The following MARVELD2 variants were observed in gnomAD, a reference collection of about 807,000 sequenced individuals.
The protein encoded by MARVELD2 is MARVEL domain containing 2, also known as MARVEL domain-containing protein 2.
Under a neutral mutation model 57.6 loss-of-function variants are expected in MARVELD2, and 49 were observed. The observed-to-expected ratio is 0.85, with a 90% CI of 0.68 to 1.08. The LOEUF is 1.08. Ranked by LOEUF, MARVELD2 falls within the 50% of genes least tolerant of loss-of-function variation. The probability of loss-of-function intolerance (pLI) is 0.00; values close to 1 mark genes in which losing one functional copy is unlikely to be tolerated. For synonymous variants in MARVELD2, 238 were observed against 258.8 expected (o/e 0.92, Z 0.77); for missense variants, 606 against 701.1 (o/e 0.86, Z 1.53).
In MARVELD2 at chr5:69,424,592, T is replaced by G. The variant is rs299099; in HGVS notation, c.1147-9T>G. 673,974 of 1,588,768 alleles carry G rather than the reference T, an allele frequency of 0.42. 150,646 individuals are homozygous for G. The highest frequency in any genetic ancestry group is 0.47 in the Non-Finnish European group (540,162 of 1,156,800). On this transcript the variant is annotated splice_polypyrimidine_tract_variant and intron_variant, in intron 2 of 6. Coordinates refer to ENST00000325631, the MANE Select transcript of MARVELD2 (RefSeq NM_001038603.3). ...CTTTGAAAAACTATTTGAACTCTTT[T>G]TGTTCCAGATAAATGAGCCATCATT...
In MARVELD2 at chr5:69,420,296, A is replaced by C. The variant is rs377008975; in HGVS notation, c.911A>C (p.Tyr304Ser). Residue 304 changes from tyrosine (Y) to serine (S), a missense_variant, in exon 2 of 7, where the codon TAT (tyrosine) becomes TCT (serine). Coordinates refer to ENST00000325631, the MANE Select transcript of MARVELD2 (RefSeq NM_001038603.3). ...FGINVALFILYMAAAIVYVND... is the reference protein window; with the variant it reads ...FGINVALFILSMAAAIVYVND... ...ATTAACGTTGCCTTGTTTATTTTGT[A>C]TATGGCCGCAGCCATAGTCTATGTG... is the stretch of plus-strand genomic sequence containing the variant. 2 of 1,613,976 alleles carry C rather than the reference A, an allele frequency of 1.2e-6. No individual in the cohort carries two copies. Among genetic ancestry groups the C allele is most frequent in the Non-Finnish European group, 1.7e-6 (2 of 1,180,006 alleles).
chr5:69,417,279 T>A (rs1766459570), intron 1 of MARVELD2, among the ~76,000 whole-genome samples: 1 of 152,172 alleles, frequency 6.6e-6, no homozygotes, highest in Admixed American at 6.5e-5. Flanking sequence ...CTTTACCCCC[T>A]TTCTCAACTT....
At chr5:69,433,720 A>C (rs1171065213) in intron 5 of MARVELD2, 2 of 154,076 alleles carry the variant, frequency 1.3e-5, no homozygotes, top group African/African-American at 4.8e-5. Flanking sequence ...CGGCCTCCCA[A>C]AGTGCTGGGA....
At chr5:69,435,322 C>T (rs1767099665) in intron 5 of MARVELD2, among the ~76,000 whole-genome samples, 1 of 151,986 alleles carries the variant, frequency 6.6e-6, no homozygotes. Context: ...CCCAGATGTA[C>T]TCTTTTTAAT....
intron 3 of MARVELD2, among the ~76,000 whole-genome samples, chr5:69,428,206 T>TA (rs1240487341): frequency 2.4e-5 from 3 of 125,596 alleles, no homozygotes; most frequent in African/African-American, 5.9e-5. Flanking sequence ...ACCATAAAAA[T>TA]AAAAAAAAAT....
In MARVELD2 at chr5:69,420,507, T is replaced by G; in HGVS notation, c.1122T>G (p.His374Gln). The G allele has an allele frequency of 6.2e-7, 1 of 1,612,080 alleles. No homozygotes were observed. The change falls in exon 2 of 7, where the codon CAT becomes CAG. Residue 374 changes from histidine to glutamine, a missense_variant. Physicochemically the swap from His to Gln is conservative, Grantham distance 24. Coordinates refer to ENST00000325631, the MANE Select transcript of MARVELD2 (RefSeq NM_001038603.3). Reference sequence around the variant, plus strand: ...GGAGGCATGAGGCAGCTCGGAGACATAGAGAATATATGGAACAACAGGAGG... The same window carrying G: ...GGAGGCATGAGGCAGCTCGGAGACAGAGAGAATATATGGAACAACAGGAGG... ...KLWRHEAARR[H>Q]REYMEQQEIN... is the part of the protein sequence containing the mutation.
chr5:69,433,066 A>G lies in MARVELD2; in HGVS notation c.1476A>G (p.Arg492=), dbSNP rs779442092. The change falls in exon 5 of 7, where the codon AGA becomes AGG. Residue 492 remains arginine (R), a synonymous_variant. Transcript: ENST00000325631. ...KFDELDAVMS[R]LPHHSESRQE... ...ATGAGCTGGATGCAGTGATGAGCAG[A>G]TTGCCACATCATTCGGAAAGCCGAC... 77 of 1,603,522 alleles carry G rather than the reference A, an allele frequency of 4.8e-5. No homozygotes were observed. In the Admixed American group the frequency reaches 1.3e-3, roughly 26 times the overall value.
intron 5 of MARVELD2, among the ~76,000 whole-genome samples, chr5:69,437,369 G>T: frequency 8.0e-6 from 1 of 125,536 alleles, no homozygotes. Flanking sequence ...CAACAAGAGC[G>T]AAACTCTGTC....
chr5:69,423,924 A>G (rs299098), intron 2 of MARVELD2, among the ~76,000 whole-genome samples: 51,971 of 152,086 alleles, frequency 0.34, 10,451 homozygotes, highest in Non-Finnish European at 0.46. Context: ...TAAAGTTACA[A>G]TTTATTTCTT....
At position 69,423,611 on chromosome 5, in the gene MARVELD2, A is replaced by G. The variant is rs553984890; in HGVS notation, c.1147-990A>G. Among the ~76,000 whole-genome samples the G allele has an allele frequency of 2.0e-4, 31 of 152,106 alleles. No homozygotes were observed. In the South Asian group the frequency reaches 5.8e-3, roughly 28 times the overall value. ...TACATGTTATACAAAGGACTTTGACATGTGTCCATGTGATCTCTCTCTCTA... is the reference window on the plus strand; with the variant it reads ...TACATGTTATACAAAGGACTTTGACGTGTGTCCATGTGATCTCTCTCTCTA... On this transcript the variant is annotated intron_variant, in intron 2 of 6. Transcript: ENST00000325631.
intron 2 of MARVELD2, among the ~76,000 whole-genome samples, chr5:69,423,027 A>G (rs982536990): frequency 6.6e-6 from 1 of 152,080 alleles, no homozygotes; most frequent in Non-Finnish European, 1.5e-5. Flanking sequence ...CCCCCCTAGT[A>G]GCTGGGATTA....
In MARVELD2 at chr5:69,419,912, TGGA is replaced by T; in HGVS notation, c.532_534del (p.Glu178del). On this transcript the variant is annotated inframe_deletion, in exon 2 of 7. Transcript: ENST00000325631. ...ACAGTTCGAACATACAGTGAGAAGG[TGGA>T]GGAGTATAACCTGAGATACTCCTAC... 1.2e-6 allele frequency: 2 copies of T among 1,614,152 alleles called. No homozygotes were observed. The highest frequency in any genetic ancestry group is 1.6e-4 in the Middle Eastern group (1 of 6,062).
Position 69,419,600 on chromosome 5 carries a change from C to T in MARVELD2, c.215C>T (p.Ala72Val), listed in dbSNP as rs112938244. Reference sequence around the variant, plus strand: ...AGTGACACAGAAGAACCAGCTATAGCGCCAGATCTCAAACCAGTAAGGCGC... The same window carrying T: ...AGTGACACAGAAGAACCAGCTATAGTGCCAGATCTCAAACCAGTAAGGCGC... ...YSSDTEEPAI[A>V]PDLKPVRRFV... is the part of the protein sequence containing the mutation. Residue 72 changes from alanine to valine, a missense_variant, in exon 2 of 7, where the codon GCG becomes GTG. Physicochemically the swap from Ala to Val is moderately conservative, Grantham distance 64. Transcript: ENST00000325631. 53 of 1,613,992 alleles carry T rather than the reference C, an allele frequency of 3.3e-5. No homozygotes were observed. The highest frequency in any genetic ancestry group is 1.5e-4 in the African/African-American group (11 of 75,036).
chr5:69,420,549 C>T lies in MARVELD2; in HGVS notation c.1146+18C>T. ...AACAGGAGGTAAGTGATTTCATAAT[C>T]CCTCATTTGTGTGTGTATGTTTGTT... On this transcript the variant is annotated intron_variant, in intron 2 of 6. Transcript: ENST00000325631. 1 of 1,602,592 alleles carries T rather than the reference C, an allele frequency of 6.2e-7. No homozygotes were observed. Among genetic ancestry groups the T allele is most frequent in the Non-Finnish European group, 8.5e-7 (1 of 1,176,712 alleles).
chr5:69,435,850 C>T (rs965626249), intron 5 of MARVELD2, among the ~76,000 whole-genome samples: 1 of 150,882 alleles, frequency 6.6e-6, no homozygotes, highest in African/African-American at 2.4e-5. Flanking sequence ...CACTAATCTA[C>T]TTTCTGTCCG....
intron 5 of MARVELD2, among the ~76,000 whole-genome samples, chr5:69,437,828 C>G (rs1351883954): frequency 6.6e-6 from 1 of 152,148 alleles, no homozygotes; most frequent in Admixed American, 6.6e-5. Context: ...GTCCTGATGA[C>G]AGTACAGGTT....
chr5:69,415,192 C>G (rs938127643), intron 1 of MARVELD2, 22 bp downstream of exon 1: 1 of 152,300 alleles, frequency 6.6e-6, no homozygotes, highest in Non-Finnish European at 1.5e-5. Context: ...CGGGGTGGGG[C>G]CACGTGACCG....
rs2150937029 is a variant in MARVELD2, at chr5:69,443,531, C to T, written c.*1877C>T. ...TTCATCTTTCTAAGAATTATCTTGG[C>T]TTTGGACTTTATTCATAAATGTTTT... On this transcript the variant is annotated 3_prime_UTR_variant, in exon 7 of 7. Coordinates refer to ENST00000325631, the MANE Select transcript of MARVELD2 (RefSeq NM_001038603.3). The T allele has an allele frequency of 6.6e-6, 1 of 152,218 alleles. No homozygotes were observed. Among genetic ancestry groups the T allele is most frequent in the East Asian group, 1.9e-4 (1 of 5,186 alleles). 9.4% of individuals were successfully genotyped at this position (152,218 alleles called of 1,614,324 possible).
At position 69,442,826 on chromosome 5, in the gene MARVELD2, C is replaced by CT. The variant is rs11361474; in HGVS notation, c.*1190dup. Reference sequence around the variant, plus strand: ...ACATTGAATTGTATGAATGGTATTGCTTTTTTTTTTTTTTTTTTGTGAGAC... The same window carrying CT: ...ACATTGAATTGTATGAATGGTATTGCTTTTTTTTTTTTTTTTTTTGTGAGAC... On this transcript the variant is annotated 3_prime_UTR_variant, in exon 7 of 7. Transcript: ENST00000325631. 0.33 allele frequency: 41,552 copies of CT among 126,096 alleles called. 8,538 individuals are homozygous for CT. Among genetic ancestry groups the CT allele is most frequent in the Non-Finnish European group, 0.46 (27,918 of 60,710 alleles). The allele number at this position is 126,096 out of a possible 1,614,324, so 7.8% of individuals were successfully genotyped here. A position where few individuals can be genotyped will look rare whatever the true frequency, so the allele number is the denominator to read the frequency against.
Sources: gnomAD v4.1 joint callset for allele counts (sites outside exome capture counted in the v4.1 genomes callset) on GRCh38, gnomAD v4.1.1 for gene constraint, MANE v1.5 for transcripts, NCBI Gene and HGNC (gene_info 2026-07-23, HGNC 2026-07-21) for gene names.